PLXNA4: variants seen among roughly 807,000 people sequenced by gnomAD.
The protein encoded by PLXNA4 is plexin-A4.
Under a neutral mutation model 191.8 loss-of-function variants are expected in PLXNA4, and 44 were observed. The ratio of observed to expected loss-of-function variants is 0.23; its 90% CI spans 0.18 to 0.29. The LOEUF (loss-of-function observed/expected upper bound fraction) is 0.29. PLXNA4 is among the 10% of genes least tolerant of loss of function. The probability of loss-of-function intolerance (pLI) is 1.00; values close to 1 mark genes in which losing one functional copy is unlikely to be tolerated. For missense variants in PLXNA4, 1,800 were observed against 2,488.8 expected, an observed-to-expected ratio of 0.72 and a Z score of 5.89; for synonymous variants, 1,082 against 1,009.5, an observed-to-expected ratio of 1.07 and a Z score of -1.36.
chr7:132,508,760 C>G lies in PLXNA4; in HGVS notation c.-67G>C, dbSNP rs1051243456. 17 of 1,441,470 alleles carry G rather than the reference C, an allele frequency of 1.2e-5. No homozygotes were observed. The highest frequency in any genetic ancestry group is 1.5e-5 in the Non-Finnish European group (17 of 1,102,026). The allele number at this position is 1,441,470 out of a possible 1,614,324, so 89.3% of individuals were successfully genotyped here. ...GTCGTCCCCTCAGAGGGCCAGGACT[C>G]AGCAATGCAGTCTCCCCTACTGGAG... On this transcript the variant is annotated 5_prime_UTR_variant, in exon 2 of 32. Transcript: ENST00000321063. This position sits in a 1 kb window ranked among gnomAD's most constrained non-coding sequence, Gnocchi z 4.4.
At chr7:132,371,797 A>G (rs1563062564) in intron 3 of PLXNA4, among the ~76,000 whole-genome samples, 1 of 152,160 alleles carries the variant, frequency 6.6e-6, no homozygotes. Flanking sequence ...ACACAAACAC[A>G]CACACATACA....
intron 3 of PLXNA4, among the ~76,000 whole-genome samples, chr7:132,300,607 C>G (rs780556209): frequency 5.3e-5 from 8 of 152,164 alleles, no homozygotes. Context: ...CACCAGATGT[C>G]CATGCTGGCC....
chr7:132,429,960 A>C, intron 3 of PLXNA4, among the ~76,000 whole-genome samples: 1 of 152,200 alleles, frequency 6.6e-6, no homozygotes, highest in East Asian at 1.9e-4. Flanking sequence ...GCTGGATGAC[A>C]GCTTTCCCTA....
chr7:132,301,555 G>T (rs1474117781), intron 3 of PLXNA4, among the ~76,000 whole-genome samples: 1 of 152,220 alleles, frequency 6.6e-6, no homozygotes, highest in Admixed American at 6.5e-5. Flanking sequence ...CCTTACCAGG[G>T]TCTGATTGTT....
At chr7:132,288,400 G>A (rs1220785219) in intron 4 of PLXNA4, among the ~76,000 whole-genome samples, 1 of 152,202 alleles carries the variant, frequency 6.6e-6, no homozygotes, top group Non-Finnish European at 1.5e-5. Flanking sequence ...TGGGAAGTGG[G>A]AATATCTCAG....
chr7:132,539,597 T>C (rs1799985220), intron 1 of PLXNA4, among the ~76,000 whole-genome samples: 1 of 152,196 alleles, frequency 6.6e-6, no homozygotes, highest in African/African-American at 2.4e-5. Context: ...CCTTGAGTAA[T>C]ACACTTAAGT....
chr7:132,557,629 G>A (rs1324579579), intron 1 of PLXNA4, among the ~76,000 whole-genome samples: 1 of 151,984 alleles, frequency 6.6e-6, no homozygotes, highest in African/African-American at 2.4e-5. Context: ...AAGTTTAATG[G>A]AGTTTTCATT....
At chr7:132,385,753 C>T (rs1216735520) in intron 3 of PLXNA4, among the ~76,000 whole-genome samples, 1 of 152,240 alleles carries the variant, frequency 6.6e-6, no homozygotes, top group Admixed American at 6.5e-5. Context: ...TGGATGCACA[C>T]ACACACACAC....
chr7:132,247,101 C>T (rs1324395204), intron 4 of PLXNA4, among the ~76,000 whole-genome samples: 1 of 152,140 alleles, frequency 6.6e-6, no homozygotes, highest in East Asian at 1.9e-4. Context: ...TCTGATATTT[C>T]GAAAGATGCT....
chr7:132,315,093 T>C (rs1482542089), intron 3 of PLXNA4, among the ~76,000 whole-genome samples: 2 of 152,232 alleles, frequency 1.3e-5, no homozygotes, highest in African/African-American at 2.4e-5. Flanking sequence ...TCCTTGACTT[T>C]TCCATTTGGC....
At chr7:132,349,453 C>T (rs1448347813) in intron 3 of PLXNA4, among the ~76,000 whole-genome samples, 2 of 152,188 alleles carry the variant, frequency 1.3e-5, no homozygotes, top group African/African-American at 2.4e-5. Context: ...CCAAGGGGGG[C>T]CACTGCCAGG....
At chr7:132,570,728 C>T (rs1044361493) in intron 1 of PLXNA4, among the ~76,000 whole-genome samples, 2 of 152,194 alleles carry the variant, frequency 1.3e-5, no homozygotes, top group East Asian at 1.9e-4. Context: ...GCATTGACTG[C>T]GGAGACTATC....
At chr7:132,519,319 G>T (rs1563148348) in intron 1 of PLXNA4, among the ~76,000 whole-genome samples, 1 of 152,200 alleles carries the variant, frequency 6.6e-6, no homozygotes, top group East Asian at 1.9e-4. Context: ...AGGGGTACTG[G>T]CTCCTGGTCT....
In PLXNA4 at chr7:132,127,496, A is replaced by T. The variant is rs1423097301; in HGVS notation, c.*2983T>A. ...AGATTTGGGTGGGGGATGGGGGGCA[A>T]GGACAGCTTTTTGACAATGTTGCTT... On this transcript the variant is annotated 3_prime_UTR_variant, in exon 32 of 32. Coordinates refer to ENST00000321063, the MANE Select transcript of PLXNA4 (RefSeq NM_020911.2). 1.3e-5 allele frequency: 2 copies of T among 152,198 alleles called. No homozygotes were observed. The allele number at this position is 152,198 out of a possible 1,614,324, so 9.4% of individuals were successfully genotyped here.
intron 5 of PLXNA4, among the ~76,000 whole-genome samples, chr7:132,230,237 C>A (rs144923308): frequency 2.0e-5 from 3 of 152,176 alleles, no homozygotes; most frequent in East Asian, 3.9e-4. Flanking sequence ...ACGCACCCTG[C>A]GGCCTGTAGA....
intron 2 of PLXNA4, among the ~76,000 whole-genome samples, chr7:132,606,032 C>T (rs1285898020): frequency 6.6e-6 from 1 of 152,134 alleles, no homozygotes; most frequent in Non-Finnish European, 1.5e-5. Context: ...AGCACAATGG[C>T]ACACGCCTGT....
chr7:132,443,873 A>G (rs1172684186), intron 3 of PLXNA4, among the ~76,000 whole-genome samples: 1 of 152,226 alleles, frequency 6.6e-6, no homozygotes, highest in Non-Finnish European at 1.5e-5. Context: ...GCAACATAAT[A>G]ATAGACCAAT....
In PLXNA4 at chr7:132,130,095, G is replaced by A. The variant is rs1183349259; in HGVS notation, c.*384C>T. On this transcript the variant is annotated 3_prime_UTR_variant, in exon 32 of 32. Coordinates refer to ENST00000321063, the MANE Select transcript of PLXNA4 (RefSeq NM_020911.2). Reference sequence around the variant, plus strand: ...AGCAGGGGCTGCCAAAGTGGAAGGTGAAGTAGCAGCACAGAAATGTCCCCT... The same window carrying A: ...AGCAGGGGCTGCCAAAGTGGAAGGTAAAGTAGCAGCACAGAAATGTCCCCT... 4.8e-6 allele frequency: 1 copy of A among 208,616 alleles called. No homozygotes were observed. Among genetic ancestry groups the A allele is most frequent in the Admixed American group, 5.1e-5 (1 of 19,778 alleles). The allele number at this position is 208,616 out of a possible 1,614,324, so 12.9% of individuals were successfully genotyped here.
intron 4 of PLXNA4, among the ~76,000 whole-genome samples, chr7:132,262,832 C>T (rs1799700041): frequency 6.6e-6 from 1 of 152,048 alleles, no homozygotes; most frequent in Admixed American, 6.5e-5. Flanking sequence ...AGCGGACTGC[C>T]AGTCCCTAGA....
Sources: allele counts gnomAD v4.1 joint callset (sites outside exome capture counted in the v4.1 genomes callset), GRCh38; gene constraint gnomAD v4.1.1; non-coding constraint Gnocchi (gnomAD v3.1); transcripts MANE v1.5; gene names NCBI Gene and HGNC (gene_info 2026-07-23, HGNC 2026-07-21).